RRP12: variants seen among roughly 807,000 people sequenced by gnomAD.
RRP12 encodes the protein RRP12-like protein.
A neutral mutation model predicts 157.3 loss-of-function variants in RRP12; 78 were observed. That is an observed-to-expected ratio of 0.50 (90% CI 0.41 to 0.60). The LOEUF (loss-of-function observed/expected upper bound fraction) is 0.60. RRP12 is among the 20% of genes least tolerant of loss of function. The probability of loss-of-function intolerance (pLI) is 0.00; values close to 1 mark genes in which losing one functional copy is unlikely to be tolerated. For synonymous variants in RRP12, 726 were observed against 670.9 expected (o/e 1.08, Z -1.27); for missense variants, 1,521 against 1,679.9 (o/e 0.91, Z 1.65).
At chr10:97,363,775 A>G in intron 30 of RRP12, 79 bp downstream of exon 30, 2 of 1,260,236 alleles carry the variant, frequency 1.6e-6, no homozygotes, top group South Asian at 1.2e-5. Context: ...TCCAATGTCT[A>G]CGTGTGGTGG....
At chr10:97,392,695 A>AT (rs112790671) in intron 4 of RRP12, among the ~76,000 whole-genome samples, 55,827 of 144,208 alleles carry the variant, frequency 0.39, 10,850 homozygotes, top group African/African-American at 0.49. Flanking sequence ...TTTTCTTTCT[A>AT]TTTTTTTTTT....
intron 25 of RRP12, among the ~76,000 whole-genome samples, chr10:97,368,189 C>T (rs1012518032): frequency 9.9e-5 from 15 of 151,302 alleles, no homozygotes; most frequent in African/African-American, 2.9e-4. Context: ...CACCACCATG[C>T]CTGGCTAATT....
Position 97,366,519 on chromosome 10 carries a change from C to T in RRP12, c.3318G>A (p.Arg1106=). The T allele has an allele frequency of 6.2e-7, 1 of 1,614,096 alleles. No homozygotes were observed. Among genetic ancestry groups the T allele is most frequent in the Non-Finnish European group, 8.5e-7 (1 of 1,180,018 alleles). ...EQRKLARQRS[R]AWLKEGGGDE... is the part of the protein sequence containing the mutation. ...CCCCACCGCCCTCTTTCAGCCATGC[C>T]CGGCTCCTCTGTCGTGCCAGCTTCC... Residue 1106 remains arginine (R), a synonymous_variant, in exon 28 of 34, where the codon CGG becomes CGA. Coordinates refer to ENST00000370992, the MANE Select transcript of RRP12 (RefSeq NM_015179.4).
At chr10:97,358,805 G>T in intron 32 of RRP12, 138 bp downstream of exon 32, 1 of 815,752 alleles carries the variant, frequency 1.2e-6, no homozygotes, top group South Asian at 1.5e-5. Flanking sequence ...CTTAGCATCT[G>T]AACCCCTTCT....
chr10:97,385,984 C>T lies in RRP12; in HGVS notation c.1027G>A (p.Ala343Thr). Residue 343 changes from alanine to threonine, a missense_variant, in exon 9 of 34, where the codon GCC (alanine) becomes ACC (threonine). Coordinates refer to ENST00000370992, the MANE Select transcript of RRP12 (RefSeq NM_015179.4). ...VMTLSHVLVT[A>T]CAMQAFHSLF... The stretch of plus-strand genomic sequence containing the variant: ...CTGTGAAAGGCCTGCATGGCACAGG[C>T]TGTCACCAGCTGGAGGGGGACACAC... 1.3e-6 allele frequency: 2 copies of T among 1,592,114 alleles called. No individual in the cohort carries two copies. The highest frequency in any genetic ancestry group is 1.7e-6 in the Non-Finnish European group (2 of 1,168,866).
chr10:97,401,011 C>A (rs1324946053), intron 1 of RRP12, 82 bp downstream of exon 1: 2 of 1,530,116 alleles, frequency 1.3e-6, no homozygotes, highest in African/African-American at 1.4e-5. Context: ...GCCCCGCACT[C>A]TCCCAGAGGC....
rs1411822076 is a variant in RRP12 at position 97,366,770 on chromosome 10, C to T, written c.3187G>A (p.Glu1063Lys). 6.2e-7 allele frequency: 1 copy of T among 1,612,994 alleles called. No homozygotes were observed. The highest frequency in any genetic ancestry group is 8.5e-7 in the Non-Finnish European group (1 of 1,179,184). Reference protein sequence around the residue: ...VEEEEEEEEEEEPAQGKGDSI... With the variant: ...VEEEEEEEEEKEPAQGKGDSI... ...TCACCTTTGCCCTGGGCGGGCTCCTCCTCCTCCTCCTCCTCTTCTTCCTCC... is the reference window on the plus strand; with the variant it reads ...TCACCTTTGCCCTGGGCGGGCTCCTTCTCCTCCTCCTCCTCTTCTTCCTCC... Residue 1063 changes from glutamate to lysine, a missense_variant, in exon 27 of 34, where the codon GAG becomes AAG. By Grantham distance (56) the Glu-to-Lys change is moderately conservative (BLOSUM62 1). Coordinates refer to ENST00000370992, the MANE Select transcript of RRP12 (RefSeq NM_015179.4).
rs1475084237 is a variant in RRP12, at chr10:97,398,275, C to T, written c.370-1974G>A. Among the ~76,000 whole-genome samples, 17 of 98,146 alleles carry T rather than the reference C, an allele frequency of 1.7e-4. 6 individuals carry two copies. Among genetic ancestry groups the T allele is most frequent in the African/African-American group, 4.9e-4 (10 of 20,308 alleles). 64.4% of individuals were successfully genotyped at this position (98,146 alleles called of 152,430 possible). A position where few individuals can be genotyped will look rare whatever the true frequency, so the allele number is the denominator to read the frequency against. On this transcript the variant is annotated intron_variant, in intron 2 of 33. Coordinates refer to ENST00000370992, the MANE Select transcript of RRP12 (RefSeq NM_015179.4). ...TTCACCTTGTTAGCCAGGATGGTCT[C>T]GATCTCCTGACCTCATGATCCACCC...
At chr10:97,385,859 G>C in intron 9 of RRP12, 36 bp downstream of exon 9, 1 of 1,463,046 alleles carries the variant, frequency 6.8e-7, no homozygotes, top group East Asian at 2.4e-5. Context: ...CACCACCCCC[G>C]ACCTAATGCC....
At chr10:97,380,998 C>T (rs1844452656) in intron 12 of RRP12, 85 bp from the exon 13 acceptor site, 1 of 1,062,210 alleles carries the variant, frequency 9.4e-7, no homozygotes. Flanking sequence ...GCACCCTGAG[C>T]TACAGACGCT....
intron 19 of RRP12, 73 bp from the exon 20 acceptor site, chr10:97,372,239 C>G: frequency 8.4e-7 from 1 of 1,189,202 alleles, no homozygotes; most frequent in Non-Finnish European, 1.2e-6. Flanking sequence ...GTTCTTACGT[C>G]TACTGGGTAT....
Position 97,390,357 on chromosome 10 carries a change from T to G in RRP12, c.753+66A>C, listed in dbSNP as rs531980219. ...CCAGTGCCACTCAGCTAGCCAAGTC[T>G]GGGCTGCACTGGGCTGAGTGGTGGC... is the stretch of plus-strand genomic sequence containing the variant. On this transcript the variant is annotated intron_variant, in intron 6 of 33. Transcript: ENST00000370992. 4.5e-5 allele frequency: 56 copies of G among 1,247,138 alleles called. No homozygotes were observed. In the South Asian group the frequency reaches 6.4e-4, roughly 14 times the overall value. 77.3% of individuals were successfully genotyped at this position (1,247,138 alleles called of 1,614,324 possible).
chr10:97,357,247 C>G, intron 33 of RRP12, 51 bp from the exon 34 acceptor site: 1 of 1,214,968 alleles, frequency 8.2e-7, no homozygotes. Context: ...ATAGGAGGCC[C>G]CCTCCTGTTG....
At chr10:97,374,197 T>C (rs11189171) in intron 15 of RRP12, among the ~76,000 whole-genome samples, 12,234 of 152,104 alleles carry the variant, frequency 0.08, 1,509 homozygotes, top group African/African-American at 0.27. Context: ...TGAGACAGGG[T>C]CTCACTTTGT....
At chr10:97,370,653 A>T in intron 22 of RRP12, 63 bp downstream of exon 22, 2 of 1,595,890 alleles carry the variant, frequency 1.3e-6, no homozygotes, top group Non-Finnish European at 1.7e-6. Context: ...CCCTCCCTGG[A>T]TCCTGAGGCC....
rs1280090476 is a variant in RRP12, at chr10:97,370,222, C to T, written c.2742G>A (p.Val914=). 2.5e-6 allele frequency: 4 copies of T among 1,606,120 alleles called. No individual in the cohort carries two copies. Among genetic ancestry groups the T allele is most frequent in the Non-Finnish European group, 3.4e-6 (4 of 1,176,888 alleles). The change falls in exon 24 of 34, where the codon GTG becomes GTA. Residue 914 remains valine (V), a synonymous_variant. Transcript: ENST00000370992. ...VLIYPGLVGA[V]TMVSCSILAL... is the part of the protein sequence containing the mutation. ...CCAGGATGCTGCAGCTGACCATGGT[C>T]ACCGCGCCCACCAGGCCAGGGTAGA...
chr10:97,376,080 G>A (rs1844296875), intron 15 of RRP12, among the ~76,000 whole-genome samples: 1 of 151,074 alleles, frequency 6.6e-6, no homozygotes, highest in Non-Finnish European at 1.5e-5. Context: ...TCCAGCTTGG[G>A]CAACAGAGCA....
intron 25 of RRP12, chr10:97,367,386 A>C (rs1351230801): frequency 5.3e-6 from 3 of 560,946 alleles, no homozygotes; most frequent in Non-Finnish European, 9.6e-6. Flanking sequence ...TCTCAACAGC[A>C]CTTGGTACTT....
Position 97,366,293 on chromosome 10 carries a change from T to A in RRP12, c.3392-60A>T, listed in dbSNP as rs1342481225. The A allele has an allele frequency of 4.4e-6, 7 of 1,593,266 alleles. No homozygotes were observed. The Admixed American group carries it at 1.0e-4, about 23-fold the overall frequency. On this transcript the variant is annotated intron_variant, in intron 28 of 33. Transcript: ENST00000370992. The stretch of plus-strand genomic sequence containing the variant: ...GCCAGTCCCATGCTACTCACCCTCA[T>A]CATGACCAACAAGCCCGGCTCAGGG...
Sources: gnomAD v4.1 joint callset for allele counts (sites outside exome capture counted in the v4.1 genomes callset) on GRCh38, gnomAD v4.1.1 for gene constraint, MANE v1.5 for transcripts, NCBI Gene and HGNC (gene_info 2026-07-23, HGNC 2026-07-21) for gene names.